The following SGCZ variants were observed in gnomAD, a reference collection of about 807,000 sequenced individuals.
SGCZ encodes sarcoglycan zeta.
In SGCZ, 40 loss-of-function variants were observed where a neutral mutation model predicts 41.3. The observed-to-expected ratio is 0.97, with a 90% CI of 0.75 to 1.26. The LOEUF (loss-of-function observed/expected upper bound fraction) is 1.26, where lower values mean the gene tolerates loss of function less well. Among genes scored for constraint, SGCZ ranks in the 50% most tolerant of loss-of-function variants. SGCZ has a pLI of 0.00. For synonymous variants in SGCZ, 206 were observed against 137.5 expected, an observed-to-expected ratio of 1.50 and a Z score of -3.49; for missense variants, 552 against 369.8, an observed-to-expected ratio of 1.49 and a Z score of -4.04.
intron 1 of SGCZ, among the ~76,000 whole-genome samples, chr8:14,849,989 G>C (rs754607898): frequency 2.0e-5 from 3 of 152,114 alleles, no homozygotes; most frequent in African/African-American, 7.2e-5. Flanking sequence ...TAGGCATTGA[G>C]AACAGAACAT....
intron 3 of SGCZ, among the ~76,000 whole-genome samples, chr8:14,266,214 T>C (rs1349763861): frequency 2.0e-5 from 3 of 152,120 alleles, no homozygotes; most frequent in Non-Finnish European, 4.4e-5. Context: ...TACCGATTCA[T>C]ATAAATTGAA....
chr8:14,620,872 A>G (rs1043633764), intron 1 of SGCZ, among the ~76,000 whole-genome samples: 10 of 152,160 alleles, frequency 6.6e-5, no homozygotes, highest in African/African-American at 2.4e-4. Flanking sequence ...ATTGTGGAAG[A>G]CAGTGTGGTG....
intron 2 of SGCZ, among the ~76,000 whole-genome samples, chr8:14,363,493 A>G (rs1161608748): frequency 1.3e-5 from 2 of 152,138 alleles, no homozygotes; most frequent in Non-Finnish European, 2.9e-5. Flanking sequence ...TGAGAACAGA[A>G]GGGTATTTGC....
intron 1 of SGCZ, among the ~76,000 whole-genome samples, chr8:14,626,612 T>C (rs953957672): frequency 1.3e-5 from 2 of 152,112 alleles, no homozygotes; most frequent in Admixed American, 6.6e-5. Flanking sequence ...GACTGACTGG[T>C]GTCCTCATAA....
chr8:14,592,273 T>G (rs928826224), intron 1 of SGCZ, among the ~76,000 whole-genome samples: 4 of 152,106 alleles, frequency 2.6e-5, no homozygotes, highest in African/African-American at 9.6e-5. Flanking sequence ...CAAATAAATC[T>G]TCAACAATGA....
rs573919365 is a variant in SGCZ, at chr8:14,808,989, C to G, written c.40-254063G>C. On this transcript the variant is annotated intron_variant, in intron 1 of 7. Transcript: ENST00000382080. Reference sequence around the variant, plus strand: ...GTAAACTATCGCAAGAACAAAAAACCAAACACCGCATATTCTCACTCATAG... The same window carrying G: ...GTAAACTATCGCAAGAACAAAAAACGAAACACCGCATATTCTCACTCATAG... 2.7e-3 allele frequency among the ~76,000 whole-genome samples: 407 copies of G among 150,410 alleles called. 2 individuals are homozygous for G. Among genetic ancestry groups the G allele is most frequent in the African/African-American group, 9.4e-3 (384 of 40,684 alleles).
chr8:14,418,291 T>C (rs1372779049), intron 2 of SGCZ, among the ~76,000 whole-genome samples: 1 of 151,920 alleles, frequency 6.6e-6, no homozygotes, highest in African/African-American at 2.4e-5. Flanking sequence ...GCCTAATGTT[T>C]AACAAATGTG....
intron 1 of SGCZ, among the ~76,000 whole-genome samples, chr8:15,160,055 T>C (rs1585625800): frequency 1.3e-5 from 2 of 151,998 alleles, no homozygotes; most frequent in Non-Finnish European, 2.9e-5. Flanking sequence ...CTTTACCATA[T>C]TGGCCCATTT....
chr8:14,488,285 AT>A (rs1452146155), intron 2 of SGCZ, among the ~76,000 whole-genome samples: 2 of 152,244 alleles, frequency 1.3e-5, no homozygotes. Flanking sequence ...ATTGATATTA[AT>A]TCTATATTGT....
At chr8:15,013,574 C>T (rs1802914777) in intron 1 of SGCZ, among the ~76,000 whole-genome samples, 1 of 152,086 alleles carries the variant, frequency 6.6e-6, no homozygotes, top group South Asian at 2.1e-4. Context: ...TATCTAAAAG[C>T]TAAATGTGAA....
intron 1 of SGCZ, among the ~76,000 whole-genome samples, chr8:14,786,532 C>T (rs1208086055): frequency 1.3e-5 from 2 of 151,308 alleles, no homozygotes; most frequent in African/African-American, 2.5e-5. Context: ...TAGCACTTTT[C>T]AATACTAACC....
At chr8:15,102,887 T>C (rs1283332216) in intron 1 of SGCZ, among the ~76,000 whole-genome samples, 4 of 152,176 alleles carry the variant, frequency 2.6e-5, no homozygotes, top group African/African-American at 9.7e-5. Flanking sequence ...AGGAACTCTT[T>C]AGTCCAAGAC....
At chr8:14,967,661 T>C (rs1801165400) in intron 1 of SGCZ, among the ~76,000 whole-genome samples, 1 of 152,166 alleles carries the variant, frequency 6.6e-6, no homozygotes, top group African/African-American at 2.4e-5. Flanking sequence ...CAGTGACACT[T>C]CTTACAGTTG....
chr8:14,902,820 G>C (rs962321261), intron 1 of SGCZ, among the ~76,000 whole-genome samples: 2 of 152,056 alleles, frequency 1.3e-5, no homozygotes, highest in Admixed American at 1.3e-4. Context: ...ATAGTGGTTA[G>C]CTAATATTTA....
intron 1 of SGCZ, among the ~76,000 whole-genome samples, chr8:14,638,309 T>A (rs773096662): frequency 6.6e-6 from 1 of 151,852 alleles, no homozygotes; most frequent in Non-Finnish European, 1.5e-5. Flanking sequence ...GTTCAATAAA[T>A]GCTTTTTGAA....
At chr8:14,114,763 A>C (rs1802474278) in intron 5 of SGCZ, among the ~76,000 whole-genome samples, 1 of 151,998 alleles carries the variant, frequency 6.6e-6, no homozygotes, top group African/African-American at 2.4e-5. Context: ...TCAGCACTGG[A>C]AACGATCCAG....
intron 2 of SGCZ, among the ~76,000 whole-genome samples, chr8:14,459,632 G>C (rs1174916197): frequency 6.6e-6 from 1 of 151,992 alleles, no homozygotes; most frequent in Non-Finnish European, 1.5e-5. Context: ...GACAAAAACA[G>C]TAACTTTATA....
chr8:14,146,731 G>T (rs1428067537), intron 5 of SGCZ, among the ~76,000 whole-genome samples: 2 of 149,758 alleles, frequency 1.3e-5, no homozygotes, highest in Non-Finnish European at 3.0e-5. Context: ...AATTAGCCGG[G>T]CGTAGTGGCG....
At chr8:14,312,981 T>C (rs1801597845) in intron 3 of SGCZ, among the ~76,000 whole-genome samples, 1 of 152,180 alleles carries the variant, frequency 6.6e-6, no homozygotes, top group African/African-American at 2.4e-5. Context: ...CCTTTCACTA[T>C]TGTAGGAATT....
Sources: allele counts gnomAD v4.1 joint callset (sites outside exome capture counted in the v4.1 genomes callset), GRCh38; gene constraint gnomAD v4.1.1; transcripts MANE v1.5; gene names NCBI Gene and HGNC (gene_info 2026-07-23, HGNC 2026-07-21).